IL20RA: variants seen among roughly 807,000 people sequenced by gnomAD.
IL20RA encodes interleukin 20 receptor subunit alpha.
A neutral mutation model predicts 36.5 loss-of-function variants in IL20RA; 29 were observed. That is an observed-to-expected ratio of 0.79 (90% CI 0.59 to 1.08). IL20RA has a LOEUF of 1.08. Ranked by LOEUF, IL20RA falls within the 50% of genes least tolerant of loss-of-function variation. IL20RA has a pLI of 0.00. For synonymous variants in IL20RA, 279 were observed against 267.1 expected, an observed-to-expected ratio of 1.04 and a Z score of -0.43; for missense variants, 652 against 668.4, an observed-to-expected ratio of 0.98 and a Z score of 0.27.
intron 1 of IL20RA, among the ~76,000 whole-genome samples, chr6:137,030,928 C>T (rs963457237): frequency 2.0e-5 from 3 of 152,166 alleles, no homozygotes; most frequent in African/African-American, 4.8e-5. Flanking sequence ...ATCACCTCCC[C>T]TTCACCTCCT....
At chr6:137,038,569 T>C (rs1776572646) in intron 1 of IL20RA, among the ~76,000 whole-genome samples, 1 of 152,150 alleles carries the variant, frequency 6.6e-6, no homozygotes, top group African/African-American at 2.4e-5. Flanking sequence ...GTTTCTCATA[T>C]CAAATTTTGT....
rs1351284929 is a variant in IL20RA, at chr6:137,001,165, G to C, written c.*393C>G. The C allele has an allele frequency of 6.4e-6, 1 of 157,220 alleles. No individual in the cohort carries two copies. The highest frequency in any genetic ancestry group is 2.4e-5 in the African/African-American group (1 of 41,664). 9.7% of individuals were successfully genotyped at this position (157,220 alleles called of 1,614,324 possible). A position where few individuals can be genotyped will look rare whatever the true frequency, so the allele number is the denominator to read the frequency against. ...GGTATTTATAAAATGAGTGATCTTT[G>C]GGAAATATTTTTTACAGTGCTATGT... On this transcript the variant is annotated 3_prime_UTR_variant, in exon 7 of 7. Transcript: ENST00000316649.
intron 1 of IL20RA, among the ~76,000 whole-genome samples, chr6:137,039,817 T>C (rs545218636): frequency 1.3e-5 from 2 of 152,242 alleles, no homozygotes; most frequent in Non-Finnish European, 2.9e-5. Flanking sequence ...CACAGTAATA[T>C]TTCACCTAGC....
At chr6:137,019,842 T>A (rs11757734) in intron 1 of IL20RA, among the ~76,000 whole-genome samples, 34,995 of 152,212 alleles carry the variant, frequency 0.23, 5,018 homozygotes, top group Non-Finnish European at 0.32. Flanking sequence ...TATTTCATTA[T>A]AAATGCTGTG....
At chr6:137,004,835 C>T (rs1466181073) in intron 5 of IL20RA, 75 bp from the exon 6 acceptor site, 5 of 1,387,220 alleles carry the variant, frequency 3.6e-6, no homozygotes, top group Non-Finnish European at 4.9e-6. Context: ...ATGGGAAAAA[C>T]CTCGTATCGT....
In IL20RA at chr6:137,044,247, G is replaced by T. The variant is rs944144435; in HGVS notation, c.88+394C>A. The T allele has an allele frequency of 3.4e-5, 34 of 990,206 alleles. No individual in the cohort carries two copies. In the African/African-American group the frequency reaches 5.4e-4, roughly 16 times the overall value. The allele number at this position is 990,206 out of a possible 1,614,324, so 61.3% of individuals were successfully genotyped here. The stretch of plus-strand genomic sequence containing the variant: ...TCCACAGGGGCCCCTCCGCGCGGCC[G>T]CGGCGGTGGTGGCGGGAACCTGGGA... On this transcript the variant is annotated intron_variant, in intron 1 of 6. Coordinates refer to ENST00000316649, the MANE Select transcript of IL20RA (RefSeq NM_014432.4).
intron 1 of IL20RA, among the ~76,000 whole-genome samples, chr6:137,029,076 G>A (rs1446702210): frequency 6.6e-6 from 1 of 152,178 alleles, no homozygotes; most frequent in African/African-American, 2.4e-5. Flanking sequence ...GAAATTCATT[G>A]TTGTGAGATT....
intron 1 of IL20RA, chr6:137,044,099 A>G: frequency 5.1e-6 from 5 of 985,534 alleles, no homozygotes; most frequent in Non-Finnish European, 6.0e-6. Context: ...TACTTTAAGA[A>G]GCTGCGTCTT....
At chr6:137,029,983 A>G (rs1226198175) in intron 1 of IL20RA, among the ~76,000 whole-genome samples, 1 of 151,588 alleles carries the variant, frequency 6.6e-6, no homozygotes, top group Admixed American at 6.6e-5. Flanking sequence ...TAAATAATGG[A>G]CAAAAGAGCA....
In IL20RA at chr6:137,034,180, C is replaced by A. The variant is rs544957214; in HGVS notation, c.88+10461G>T. On this transcript the variant is annotated intron_variant, in intron 1 of 6. Coordinates refer to ENST00000316649, the MANE Select transcript of IL20RA (RefSeq NM_014432.4). ...TCACAAAACCCCTGACTCCTACCCA[C>A]TAGATGACTACCACTCAGAAAAATC... 3.3e-5 allele frequency among the ~76,000 whole-genome samples: 5 copies of A among 152,266 alleles called. No individual in the cohort carries two copies. The South Asian group carries it at 1.0e-3, about 32-fold the overall frequency.
At chr6:137,029,697 T>C (rs1274487174) in intron 1 of IL20RA, among the ~76,000 whole-genome samples, 1 of 152,118 alleles carries the variant, frequency 6.6e-6, no homozygotes, top group Non-Finnish European at 1.5e-5. Flanking sequence ...AGAAAGAACA[T>C]GGTCAAAGAC....
At chr6:137,004,862 A>T in intron 5 of IL20RA, 102 bp from the exon 6 acceptor site, 1 of 1,083,386 alleles carries the variant, frequency 9.2e-7, no homozygotes, top group Non-Finnish European at 1.3e-6. Flanking sequence ...GCTTCTGTGC[A>T]GATCACTTAC....
intron 1 of IL20RA, among the ~76,000 whole-genome samples, chr6:137,017,795 G>A (rs548807298): frequency 1.5e-4 from 23 of 152,240 alleles, no homozygotes; most frequent in African/African-American, 5.3e-4. Context: ...TCACATAGGT[G>A]CACTCTAAGA....
chr6:137,030,445 CTATTTGGCAAAGAAT>C (rs1207173698), intron 1 of IL20RA, among the ~76,000 whole-genome samples: 22 of 152,084 alleles, frequency 1.4e-4, no homozygotes, highest in African/African-American at 2.4e-5. Flanking sequence ...AACAGCAAGG[CTATTTGGCAAAGAAT>C]AAATAAGATT....
intron 1 of IL20RA, among the ~76,000 whole-genome samples, chr6:137,020,445 CAAT>C (rs1378985531): frequency 7.1e-6 from 1 of 141,524 alleles, no homozygotes; most frequent in African/African-American, 2.6e-5. Context: ...ATGAATACAA[CAAT>C]GATTCTAAAA....
intron 1 of IL20RA, among the ~76,000 whole-genome samples, chr6:137,039,958 G>GA (rs1384654766): frequency 9.9e-5 from 15 of 151,548 alleles, no homozygotes; most frequent in Non-Finnish European, 1.5e-5. Context: ...AAGGAGTAAA[G>GA]AAAAAAAAGG....
chr6:137,016,982 A>G lies in IL20RA; in HGVS notation c.210T>C (p.Thr70=). 6.2e-7 allele frequency: 1 copy of G among 1,613,480 alleles called. No individual in the cohort carries two copies. Among genetic ancestry groups the G allele is most frequent in the South Asian group, 1.1e-5 (1 of 91,004 alleles). Reference sequence around the variant, plus strand: ...AAGAAACTTACATGAAATACTGCACAGTGTAAGTAACTTTAACTCCTTGAA... The same window carrying G: ...AAGAAACTTACATGAAATACTGCACGGTGTAAGTAACTTTAACTCCTTGAA... ...EGLQGVKVTY[T]VQYFIYGQKK... Residue 70 remains threonine (T), a synonymous_variant, in exon 2 of 7, where the codon ACT becomes ACC. Coordinates refer to ENST00000316649, the MANE Select transcript of IL20RA (RefSeq NM_014432.4).
chr6:137,042,587 AG>A (rs1776736536), intron 1 of IL20RA, among the ~76,000 whole-genome samples: 1 of 152,124 alleles, frequency 6.6e-6, no homozygotes, highest in South Asian at 2.1e-4. Flanking sequence ...GCCTTGAGGG[AG>A]CCGCATAGAC....
intron 5 of IL20RA, among the ~76,000 whole-genome samples, chr6:137,008,193 G>A (rs1348515247): frequency 6.6e-6 from 1 of 152,096 alleles, no homozygotes; most frequent in African/African-American, 2.4e-5. Context: ...TTAAACTCCT[G>A]GGCTCAAGCC....
Sources: allele counts gnomAD v4.1 joint callset (sites outside exome capture counted in the v4.1 genomes callset), GRCh38; gene constraint gnomAD v4.1.1; transcripts MANE v1.5; gene names NCBI Gene and HGNC (gene_info 2026-07-23, HGNC 2026-07-21).